The following BLMH variants were observed in gnomAD, a reference collection of about 807,000 sequenced individuals.
BLMH encodes the protein BLM hydrolase.
BLMH carries 32 observed loss-of-function variants against 61.6 expected under a neutral mutation model. The ratio of observed to expected loss-of-function variants is 0.52; its 90% confidence interval spans 0.39 to 0.70. The LOEUF (loss-of-function observed/expected upper bound fraction) is 0.70. Among genes scored for constraint, BLMH ranks in the 30% least tolerant of loss-of-function variants. BLMH has a pLI of 0.00. For synonymous variants in BLMH, 183 were observed against 193.8 expected (o/e 0.94, Z 0.46); for missense variants, 460 against 555.5 (o/e 0.83, Z 1.73).
At chr17:30,281,953 T>G (rs1241465681) in intron 6 of BLMH, among the ~76,000 whole-genome samples, 1 of 152,220 alleles carries the variant, frequency 6.6e-6, no homozygotes, top group Admixed American at 6.5e-5. Flanking sequence ...CTATATATTG[T>G]TTTCAATAGC....
At chr17:30,277,754 A>G (rs1356923084) in intron 6 of BLMH, among the ~76,000 whole-genome samples, 3 of 152,246 alleles carry the variant, frequency 2.0e-5, no homozygotes, top group African/African-American at 2.4e-5. Context: ...TTTAAAGTAA[A>G]AAGTGTTAAA....
intron 2 of BLMH, among the ~76,000 whole-genome samples, chr17:30,290,605 T>C (rs562456249): frequency 6.6e-6 from 1 of 152,200 alleles, no homozygotes; most frequent in South Asian, 2.1e-4. Context: ...GACTGGGGGG[T>C]CGTTTTTAAG....
chr17:30,287,669 G>T lies in BLMH; in HGVS notation c.463+137C>A, dbSNP rs1272211808. ...TTATAGGTGAGAATGTGAACTAAAGGTCCTTAGAAATAACTATATATCCTT... is the reference window on the plus strand; with the variant it reads ...TTATAGGTGAGAATGTGAACTAAAGTTCCTTAGAAATAACTATATATCCTT... On this transcript the variant is annotated intron_variant, in intron 4 of 11. Coordinates refer to ENST00000261714, the MANE Select transcript of BLMH (RefSeq NM_000386.4). 9 of 963,706 alleles carry T rather than the reference G, an allele frequency of 9.3e-6. No homozygotes were observed. In the Admixed American group the frequency reaches 1.3e-4, roughly 13 times the overall value. 59.7% of individuals were successfully genotyped at this position (963,706 alleles called of 1,614,324 possible). A position where few individuals can be genotyped will look rare whatever the true frequency, so the allele number is the denominator to read the frequency against.
At chr17:30,258,428 T>C (rs1907872862) in intron 11 of BLMH, among the ~76,000 whole-genome samples, 1 of 152,144 alleles carries the variant, frequency 6.6e-6, no homozygotes, top group Non-Finnish European at 1.5e-5. Flanking sequence ...TGCGGCCTCT[T>C]TCAGAAACAA....
At chr17:30,290,288 T>C (rs1212311677) in intron 2 of BLMH, among the ~76,000 whole-genome samples, 1 of 152,230 alleles carries the variant, frequency 6.6e-6, no homozygotes, top group African/African-American at 2.4e-5. Flanking sequence ...TATGTAAAAG[T>C]GACACTGCAA....
intron 11 of BLMH, among the ~76,000 whole-genome samples, chr17:30,258,244 G>A: frequency 6.6e-6 from 1 of 151,462 alleles, no homozygotes; most frequent in Non-Finnish European, 1.5e-5. Context: ...GCCAGAGGAA[G>A]AGAACCAAAA....
chr17:30,283,804 G>A (rs541677094), intron 6 of BLMH, among the ~76,000 whole-genome samples: 1 of 152,206 alleles, frequency 6.6e-6, no homozygotes, highest in African/African-American at 2.4e-5. Context: ...GCAGGCATGA[G>A]CCACCGTGCC....
chr17:30,288,058 T>A, intron 3 of BLMH, 111 bp from the exon 4 acceptor site: 1 of 1,097,522 alleles, frequency 9.1e-7, no homozygotes, highest in Non-Finnish European at 1.3e-6. Flanking sequence ...AACATAATAG[T>A]TTTTTTTCTT....
intron 11 of BLMH, among the ~76,000 whole-genome samples, chr17:30,263,735 A>T (rs1208813754): frequency 1.3e-5 from 2 of 152,230 alleles, no homozygotes; most frequent in African/African-American, 4.8e-5. Context: ...ACCAATGGGG[A>T]GAACCAAAGC....
chr17:30,266,850 G>C (rs1327257816), intron 11 of BLMH, 35 bp downstream of exon 11: 2 of 1,596,118 alleles, frequency 1.3e-6, no homozygotes, highest in East Asian at 4.5e-5. Context: ...AGCAGGCCCA[G>C]TCACCTGGAG....
In BLMH at chr17:30,285,494, T is replaced by C; in HGVS notation, c.553-14A>G. On this transcript the variant is annotated splice_polypyrimidine_tract_variant and intron_variant, in intron 5 of 11. Transcript: ENST00000261714. Reference sequence around the variant, plus strand: ...GAATTCTCTCATCTATGACAGAAACTTATTCAGCACTCCAACAGTTACCCG... The same window carrying C: ...GAATTCTCTCATCTATGACAGAAACCTATTCAGCACTCCAACAGTTACCCG... 1 of 1,590,914 alleles carries C rather than the reference T, an allele frequency of 6.3e-7. No homozygotes were observed. Among genetic ancestry groups the C allele is most frequent in the Non-Finnish European group, 8.6e-7 (1 of 1,164,976 alleles).
chr17:30,253,297 C>T (rs943377508), intron 11 of BLMH, among the ~76,000 whole-genome samples: 2 of 152,196 alleles, frequency 1.3e-5, no homozygotes, highest in African/African-American at 4.8e-5. Context: ...GTTCCAAAAG[C>T]ATATCAGATT....
chr17:30,291,449 C>A lies in BLMH; in HGVS notation c.73G>T (p.Val25Leu). 6.2e-7 allele frequency: 1 copy of A among 1,614,200 alleles called. No individual in the cohort carries two copies. The highest frequency in any genetic ancestry group is 2.2e-5 in the East Asian group (1 of 44,880). Residue 25 changes from valine to leucine, a missense_variant, in exon 2 of 12, where the codon GTA (valine) becomes TTA (leucine). By Grantham distance (32) the Val-to-Leu change is conservative. Around this residue, in one of 5 missense-constraint regions of BLMH, gnomAD observed 86 missense variants for 84.5 expected, o/e 1.02. Coordinates refer to ENST00000261714, the MANE Select transcript of BLMH (RefSeq NM_000386.4). ...IQKLNSDPQF[V>L]LAQNVGTTHD... The stretch of plus-strand genomic sequence containing the variant: ...GTGGTCCCGACATTCTGGGCAAGTA[C>A]GAACTGGGGGTCGGAATTCAGTTTC...
At chr17:30,266,803 A>C (rs1206542119) in intron 11 of BLMH, 82 bp downstream of exon 11, 2 of 1,266,096 alleles carry the variant, frequency 1.6e-6, no homozygotes. Flanking sequence ...GAAATCCTCC[A>C]CACTAGAGCA....
intron 11 of BLMH, among the ~76,000 whole-genome samples, chr17:30,252,961 G>A (rs1055900133): frequency 3.3e-5 from 5 of 152,148 alleles, no homozygotes; most frequent in Non-Finnish European, 5.9e-5. Flanking sequence ...CAACCAGTGC[G>A]TATTATTTAA....
chr17:30,281,429 A>G (rs1356450872), intron 6 of BLMH, among the ~76,000 whole-genome samples: 1 of 151,890 alleles, frequency 6.6e-6, no homozygotes, highest in Non-Finnish European at 1.5e-5. Context: ...ACTTTAGACC[A>G]CATCTATTCT....
Position 30,291,790 on chromosome 17 carries a change from G to A in BLMH, c.13+17C>T. On this transcript the variant is annotated intron_variant, in intron 1 of 11. Coordinates refer to ENST00000261714, the MANE Select transcript of BLMH (RefSeq NM_000386.4). Reference sequence around the variant, plus strand: ...AGCTCCTCCAGAGGACCGCGGCGGGGGACGGCGGCACCTCACCCGAGCTGC... The same window carrying A: ...AGCTCCTCCAGAGGACCGCGGCGGGAGACGGCGGCACCTCACCCGAGCTGC... 1.4e-6 allele frequency: 2 copies of A among 1,401,264 alleles called. No individual in the cohort carries two copies. Among genetic ancestry groups the A allele is most frequent in the South Asian group, 1.7e-5 (1 of 59,230 alleles). The allele number at this position is 1,401,264 out of a possible 1,614,324, so 86.8% of individuals were successfully genotyped here. A position where few individuals can be genotyped will look rare whatever the true frequency, so the allele number is the denominator to read the frequency against.
intron 10 of BLMH, among the ~76,000 whole-genome samples, chr17:30,270,098 T>C (rs1908225743): frequency 6.6e-6 from 1 of 152,192 alleles, no homozygotes; most frequent in African/African-American, 2.4e-5. Context: ...ATCAGGACTT[T>C]TAGATAGGCT....
chr17:30,272,916 C>G lies in BLMH; in HGVS notation c.802-17G>C. On this transcript the variant is annotated splice_polypyrimidine_tract_variant and intron_variant, in intron 7 of 11. Transcript: ENST00000261714. ...TAAACAAATCTATCAAGATCAAGAA[C>G]ACATTAATTAGGGCACAAAACCAGG... The G allele has an allele frequency of 6.2e-7, 1 of 1,611,634 alleles. No individual in the cohort carries two copies. The highest frequency in any genetic ancestry group is 8.5e-7 in the Non-Finnish European group (1 of 1,178,922).
Sources: gnomAD v4.1 joint callset for allele counts (sites outside exome capture counted in the v4.1 genomes callset) on GRCh38, gnomAD v4.1.1 for gene constraint, gnomAD v4.1.1 regional missense constraint, MANE v1.5 for transcripts, NCBI Gene and HGNC (gene_info 2026-07-23, HGNC 2026-07-21) for gene names.